Variants in CTNND2 observed in about 807,000 individuals in gnomAD.
CTNND2 encodes the protein catenin delta-2.
In CTNND2, 22 loss-of-function variants were observed where a neutral mutation model predicts 144.4. The ratio of observed to expected loss-of-function variants is 0.15; its 90% confidence interval spans 0.11 to 0.22. CTNND2 has a LOEUF of 0.22. Among genes scored for constraint, CTNND2 ranks in the 10% least tolerant of loss-of-function variants. The pLI is 1.00. For missense variants in CTNND2, 1,353 were observed against 1,618.8 expected (o/e 0.84, Z 2.82); for synonymous variants, 751 against 695.6 (o/e 1.08, Z -1.25).
chr5:11,205,106 G>A (rs1260351917), intron 10 of CTNND2, among the ~76,000 whole-genome samples: 2 of 152,122 alleles, frequency 1.3e-5, no homozygotes, highest in East Asian at 1.9e-4. Flanking sequence ...CTGGGTTCAT[G>A]CTGAAAGAAA....
intron 1 of CTNND2, among the ~76,000 whole-genome samples, chr5:11,793,515 A>G (rs1411669684): frequency 6.6e-6 from 1 of 152,218 alleles, no homozygotes; most frequent in African/African-American, 2.4e-5. Context: ...TCCTAAACCA[A>G]TATGACAGAT....
chr5:11,790,500 G>T (rs4382169), intron 1 of CTNND2, among the ~76,000 whole-genome samples: 148,918 of 152,238 alleles, frequency 0.98, 72,914 homozygotes, highest in East Asian at 1. Context: ...TAATTCCTAC[G>T]TTATATGCTG....
In CTNND2 at chr5:11,199,484, T is replaced by C. The variant is rs112150576; in HGVS notation, c.1939A>G (p.Lys647Glu). 1 of 1,614,236 alleles carries C rather than the reference T, an allele frequency of 6.2e-7. No individual in the cohort carries two copies. Among genetic ancestry groups the C allele is most frequent in the South Asian group, 1.1e-5 (1 of 91,082 alleles). Residue 647 changes from lysine to glutamate, a missense_variant, in exon 11 of 22, where the codon AAG becomes GAG. Lys to Glu is a moderately conservative substitution (Grantham distance 56). Coordinates refer to ENST00000304623, the MANE Select transcript of CTNND2 (RefSeq NM_001332.4). ...TCCCGGATCTCCAGGTCAGTCGTCT[T>C]GCGGAGTAACCTCACCAGTGCTGGG... ...GIPALVRLLR[K>E]TTDLEIRELV...
chr5:11,671,423 T>C (rs1258219702), intron 2 of CTNND2, among the ~76,000 whole-genome samples: 3 of 152,188 alleles, frequency 2.0e-5, no homozygotes, highest in South Asian at 2.1e-4. Flanking sequence ...CAATCAAATG[T>C]AGATTTGGTC....
intron 1 of CTNND2, among the ~76,000 whole-genome samples, chr5:11,861,972 T>C (rs919271957): frequency 4.6e-5 from 7 of 152,186 alleles, no homozygotes; most frequent in Non-Finnish European, 1.0e-4. Flanking sequence ...GACTACCCTA[T>C]TTATTAATAG....
intron 2 of CTNND2, among the ~76,000 whole-genome samples, chr5:11,655,452 C>G (rs758959287): frequency 6.6e-6 from 1 of 152,124 alleles, no homozygotes; most frequent in East Asian, 1.9e-4. Context: ...ACTCTGCTCT[C>G]CACAACATGG....
At chr5:11,636,060 T>C (rs1419718982) in intron 2 of CTNND2, among the ~76,000 whole-genome samples, 5 of 142,548 alleles carry the variant, frequency 3.5e-5, no homozygotes, top group Non-Finnish European at 7.6e-5. Flanking sequence ...CATTCATGAT[T>C]CTACAGTAAC....
At chr5:11,083,548 C>A (rs1476584480) in intron 15 of CTNND2, among the ~76,000 whole-genome samples, 1 of 152,206 alleles carries the variant, frequency 6.6e-6, no homozygotes, top group Non-Finnish European at 1.5e-5. Flanking sequence ...ACAGGTAATG[C>A]GTCATATTAA....
At chr5:11,795,665 G>C (rs182025318) in intron 1 of CTNND2, among the ~76,000 whole-genome samples, 51 of 152,328 alleles carry the variant, frequency 3.3e-4, no homozygotes, top group South Asian at 2.1e-4. Flanking sequence ...GATGGCCCAT[G>C]ATAGCTGAGG....
At chr5:11,251,371 C>T (rs1183716359) in intron 9 of CTNND2, among the ~76,000 whole-genome samples, 1 of 152,200 alleles carries the variant, frequency 6.6e-6, no homozygotes, top group African/African-American at 2.4e-5. Context: ...GCAGACAATG[C>T]CATCTTCACA....
intron 3 of CTNND2, among the ~76,000 whole-genome samples, chr5:11,500,167 C>T (rs942094100): frequency 7.2e-5 from 11 of 152,162 alleles, no homozygotes; most frequent in Admixed American, 5.9e-4. Flanking sequence ...TGTATAGACA[C>T]CCTCTATGCC....
chr5:11,401,715 G>A (rs924617115), intron 5 of CTNND2, among the ~76,000 whole-genome samples: 27 of 152,178 alleles, frequency 1.8e-4, no homozygotes, highest in Admixed American at 1.3e-3. Flanking sequence ...CACTAATGTC[G>A]GGGGAACTGA....
chr5:11,884,552 C>G (rs1254593775), intron 1 of CTNND2, among the ~76,000 whole-genome samples: 1 of 151,938 alleles, frequency 6.6e-6, no homozygotes, highest in Non-Finnish European at 1.5e-5. Flanking sequence ...GTTTTGGTAC[C>G]TTTTTGGTGG....
intron 18 of CTNND2, among the ~76,000 whole-genome samples, chr5:11,000,252 G>A (rs1255300134): frequency 6.6e-6 from 1 of 152,250 alleles, no homozygotes; most frequent in African/African-American, 2.4e-5. Context: ...GCTGAGCGCA[G>A]TGGCTCACGC....
At chr5:11,779,584 G>T (rs1790435421) in intron 1 of CTNND2, among the ~76,000 whole-genome samples, 1 of 152,154 alleles carries the variant, frequency 6.6e-6, no homozygotes. Context: ...TGGTAGAGCT[G>T]GCAAGTCACT....
intron 2 of CTNND2, chr5:11,588,904 C>G (rs542935669): frequency 7.1e-6 from 7 of 985,360 alleles, no homozygotes; most frequent in African/African-American, 1.7e-5. Flanking sequence ...CCCTGCACCA[C>G]GGCTAAAAGG....
chr5:11,430,692 C>T (rs963728301), intron 3 of CTNND2, among the ~76,000 whole-genome samples: 1 of 152,182 alleles, frequency 6.6e-6, no homozygotes, highest in African/African-American at 2.4e-5. Flanking sequence ...TACTCATACA[C>T]GTGTATACAC....
rs535707204 is a variant in CTNND2 at position 11,087,034 on chromosome 5, TG to T, written c.2638-4189del. Reference sequence around the variant, plus strand: ...TCTCTATATTCTAAAAGTACTCTTGTGTTAGAAGTATAGTCTGCAATTAAAT... The same window carrying T: ...TCTCTATATTCTAAAAGTACTCTTGTTTAGAAGTATAGTCTGCAATTAAAT... On this transcript the variant is annotated intron_variant, in intron 15 of 21. Transcript: ENST00000304623. 1.7e-3 allele frequency among the ~76,000 whole-genome samples: 257 copies of T among 152,358 alleles called. 2 individuals carry two copies. Among genetic ancestry groups the T allele is most frequent in the Non-Finnish European group, 2.5e-3 (167 of 68,028 alleles).
chr5:11,222,184 T>C (rs1402435383), intron 10 of CTNND2, among the ~76,000 whole-genome samples: 1 of 151,820 alleles, frequency 6.6e-6, no homozygotes, highest in African/African-American at 2.4e-5. Context: ...GGGGGGAAGA[T>C]AAAAAGAAGA....
Sources: allele counts gnomAD v4.1 joint callset (sites outside exome capture counted in the v4.1 genomes callset), GRCh38; gene constraint gnomAD v4.1.1; transcripts MANE v1.5; gene names NCBI Gene and HGNC (gene_info 2026-07-23, HGNC 2026-07-21).